The following SH3KBP1 variants were observed in gnomAD, a reference collection of about 807,000 sequenced individuals.
The protein encoded by SH3KBP1 is SH3 domain containing kinase binding protein 1.
SH3KBP1 carries 8 observed loss-of-function variants against 50.1 expected under a neutral mutation model. That is an observed-to-expected ratio of 0.16 (90% CI 0.09 to 0.29). The LOEUF (loss-of-function observed/expected upper bound fraction) is 0.29, where lower values mean the gene tolerates loss of function less well. Ranked by LOEUF, SH3KBP1 falls within the 10% of genes least tolerant of loss-of-function variation. The pLI is 1.00. For synonymous variants in SH3KBP1, 227 were observed against 218.6 expected, an observed-to-expected ratio of 1.04 and a Z score of -0.34; for missense variants, 377 against 535.2, an observed-to-expected ratio of 0.70 and a Z score of 2.92.
intron 2 of SH3KBP1, among the ~76,000 whole-genome samples, chrX:19,809,401 G>A (rs906950109): frequency 6.3e-5 from 7 of 110,660 alleles, no homozygotes; most frequent in Middle Eastern, 4.6e-3. Context: ...GCGTGCACCT[G>A]TAATCCCAGC....
chrX:19,702,513 A>T (rs2063554504), intron 4 of SH3KBP1, among the ~76,000 whole-genome samples: 1 of 111,253 alleles, frequency 9.0e-6, no homozygotes, highest in East Asian at 2.8e-4. Flanking sequence ...CATAAAGAAC[A>T]CATAAAAGCA....
At chrX:19,782,469 C>T (rs771798528) in intron 2 of SH3KBP1, among the ~76,000 whole-genome samples, 1 of 111,828 alleles carries the variant, frequency 8.9e-6, no homozygotes, top group Non-Finnish European at 1.9e-5. Flanking sequence ...CTGGTTCCAC[C>T]AGGAGCTCCA....
intron 1 of SH3KBP1, among the ~76,000 whole-genome samples, chrX:19,861,615 A>T (rs1603284618): frequency 8.9e-6 from 1 of 111,756 alleles, no homozygotes; most frequent in African/African-American, 3.3e-5. Flanking sequence ...GAATTTAACC[A>T]TGTCAATGCA....
intron 6 of SH3KBP1, among the ~76,000 whole-genome samples, chrX:19,674,146 A>G (rs1388414867): frequency 4.5e-5 from 5 of 111,531 alleles, no homozygotes; most frequent in African/African-American, 1.6e-4. Flanking sequence ...ATGTAGGGAC[A>G]ATCCAAAGCA....
At chrX:19,748,606 G>A (rs983047389) in intron 2 of SH3KBP1, among the ~76,000 whole-genome samples, 1 of 111,992 alleles carries the variant, frequency 8.9e-6, no homozygotes, top group African/African-American at 3.3e-5. Flanking sequence ...AATTGCTTAA[G>A]TTGCTTCTTT....
chrX:19,780,979 T>G (rs1454280453), intron 2 of SH3KBP1, among the ~76,000 whole-genome samples: 1 of 112,413 alleles, frequency 8.9e-6, no homozygotes, highest in South Asian at 3.7e-4. Flanking sequence ...TATACACAAA[T>G]ATTTCTATAC....
At chrX:19,863,934 T>G (rs141325055) in intron 1 of SH3KBP1, among the ~76,000 whole-genome samples, 3,527 of 111,678 alleles carry the variant, frequency 0.032, 156 homozygotes, top group African/African-American at 0.11. Context: ...CTATTTTCTC[T>G]CTCCCAAGGG....
intron 8 of SH3KBP1, among the ~76,000 whole-genome samples, chrX:19,611,639 C>T (rs1240140998): frequency 3.6e-5 from 4 of 111,830 alleles, no homozygotes; most frequent in African/African-American, 1.3e-4. Context: ...TAGGTGTGAG[C>T]CACCGAGCCC....
intron 6 of SH3KBP1, chrX:19,670,349 T>C (rs983384889): frequency 1.3e-6 from 1 of 751,813 alleles, no homozygotes; most frequent in African/African-American, 2.3e-5. Flanking sequence ...CAAATGTCGG[T>C]GACCCTCAAG....
intron 3 of SH3KBP1, among the ~76,000 whole-genome samples, chrX:19,724,272 T>C (rs1023892728): frequency 1.5e-4 from 17 of 111,416 alleles, no homozygotes; most frequent in Admixed American, 5.7e-4. Context: ...CAGAGAAAAA[T>C]AGAGAAAGTA....
chrX:19,619,940 C>T (rs1193076105), intron 8 of SH3KBP1, among the ~76,000 whole-genome samples: 1 of 112,094 alleles, frequency 8.9e-6, no homozygotes, highest in Non-Finnish European at 1.9e-5. Flanking sequence ...AATCGGAAAT[C>T]TTAAAAGCTG....
At chrX:19,619,397 C>T (rs1056379006) in intron 8 of SH3KBP1, among the ~76,000 whole-genome samples, 1 of 112,732 alleles carries the variant, frequency 8.9e-6, no homozygotes, top group African/African-American at 3.2e-5. Context: ...TTCCAAGAGA[C>T]GTTAACTATA....
chrX:19,601,073 G>T (rs1458648565), intron 9 of SH3KBP1, among the ~76,000 whole-genome samples: 1 of 111,543 alleles, frequency 9.0e-6, no homozygotes, highest in Admixed American at 9.5e-5. Context: ...TGATTTCTGG[G>T]AGAGCCGAAT....
intron 1 of SH3KBP1, among the ~76,000 whole-genome samples, chrX:19,873,605 G>C (rs1219974898): frequency 9.3e-6 from 1 of 107,936 alleles, no homozygotes; most frequent in African/African-American, 3.4e-5. Flanking sequence ...CCAGGAGGCA[G>C]AGGTTGCAGT....
chrX:19,592,526 C>T (rs1385241783), intron 10 of SH3KBP1, among the ~76,000 whole-genome samples: 1 of 110,534 alleles, frequency 9.0e-6, no homozygotes, highest in East Asian at 2.8e-4. Flanking sequence ...TGTGTTCTAC[C>T]AAAAAAAGGG....
intron 9 of SH3KBP1, among the ~76,000 whole-genome samples, chrX:19,596,890 T>A (rs1671277161): frequency 8.9e-6 from 1 of 112,104 alleles, no homozygotes; most frequent in Admixed American, 9.5e-5. Context: ...ACATCTGCAG[T>A]TACTTCCTCC....
chrX:19,872,258 A>G (rs1246462475), intron 1 of SH3KBP1, among the ~76,000 whole-genome samples: 1 of 97,903 alleles, frequency 1.0e-5, no homozygotes, highest in Admixed American at 1.1e-4. Flanking sequence ...ATCTCAAAAA[A>G]AAAAAAAAAA....
chrX:19,827,893 A>G (rs2067735183), intron 2 of SH3KBP1, among the ~76,000 whole-genome samples: 1 of 58,883 alleles, frequency 1.7e-5, no homozygotes, highest in Non-Finnish European at 2.6e-5. Flanking sequence ...AAACAAAAAA[A>G]CAAACAAACA....
At chrX:19,852,965 A>C (rs1387904713) in intron 1 of SH3KBP1, among the ~76,000 whole-genome samples, 1 of 112,475 alleles carries the variant, frequency 8.9e-6, no homozygotes, top group Non-Finnish European at 1.9e-5. Flanking sequence ...TAAAGCCATG[A>C]AGATGAGAGT....
Sources: gnomAD v4.1 joint callset for allele counts (sites outside exome capture counted in the v4.1 genomes callset) on GRCh38, gnomAD v4.1.1 for gene constraint, MANE v1.5 for transcripts, NCBI Gene and HGNC (gene_info 2026-07-23, HGNC 2026-07-21) for gene names.